ALK: variants seen among roughly 807,000 people sequenced by gnomAD.
ALK encodes ALK tyrosine kinase receptor.
In ALK, 74 loss-of-function variants were observed where a neutral mutation model predicts 163.1. The observed-to-expected ratio is 0.45, with a 90% CI of 0.38 to 0.55. ALK has a LOEUF of 0.55. ALK is among the 20% of genes least tolerant of loss of function. The probability of loss-of-function intolerance (pLI) is 0.00; values close to 1 mark genes in which losing one functional copy is unlikely to be tolerated. For missense variants in ALK, 2,063 were observed against 2,105.3 expected (o/e 0.98, Z 0.39); for synonymous variants, 960 against 843.2 (o/e 1.14, Z -2.40).
chr2:29,377,050 C>T (rs1029561631), intron 5 of ALK, among the ~76,000 whole-genome samples: 10 of 152,186 alleles, frequency 6.6e-5, no homozygotes, highest in Admixed American at 5.9e-4. Flanking sequence ...GTGAAAATGG[C>T]CCATATTCAA....
chr2:29,698,269 C>G (rs1358851271), intron 2 of ALK, among the ~76,000 whole-genome samples: 1 of 152,180 alleles, frequency 6.6e-6, no homozygotes, highest in Non-Finnish European at 1.5e-5. Flanking sequence ...AAAGAGAAAA[C>G]TGGTCCAACA....
At chr2:29,354,095 T>G (rs148235270) in intron 5 of ALK, among the ~76,000 whole-genome samples, 82 of 152,212 alleles carry the variant, frequency 5.4e-4, no homozygotes, top group African/African-American at 1.9e-3. Context: ...CAGTGTAGTC[T>G]CATGTGCTGG....
At chr2:29,268,526 G>A (rs1665297998) in intron 11 of ALK, among the ~76,000 whole-genome samples, 1 of 152,158 alleles carries the variant, frequency 6.6e-6, no homozygotes, top group Admixed American at 6.5e-5. Context: ...CCCCTGCATA[G>A]GGTTTGGCAC....
intron 3 of ALK, among the ~76,000 whole-genome samples, chr2:29,535,524 C>T (rs1673229040): frequency 6.6e-6 from 1 of 152,190 alleles, no homozygotes; most frequent in African/African-American, 2.4e-5. Context: ...GAGCCTACCT[C>T]ATATGGCTGT....
intron 4 of ALK, among the ~76,000 whole-genome samples, chr2:29,500,018 A>T (rs1003872620): frequency 6.6e-6 from 1 of 151,776 alleles, no homozygotes; most frequent in Non-Finnish European, 1.5e-5. Flanking sequence ...CTGTTCCTTA[A>T]GGTTGGATGG....
chr2:29,407,810 C>T (rs1669622376), intron 4 of ALK, among the ~76,000 whole-genome samples: 1 of 152,210 alleles, frequency 6.6e-6, no homozygotes, highest in Non-Finnish European at 1.5e-5. Flanking sequence ...ACCGATGTGT[C>T]ATGTCATGAT....
At chr2:29,219,405 C>A (rs970891254) in intron 23 of ALK, among the ~76,000 whole-genome samples, 6 of 152,196 alleles carry the variant, frequency 3.9e-5, no homozygotes, top group African/African-American at 1.4e-4. Context: ...CCTTGCAGGG[C>A]TTCCATCACC....
chr2:29,276,453 C>T (rs1665549618), intron 9 of ALK, among the ~76,000 whole-genome samples: 1 of 152,162 alleles, frequency 6.6e-6, no homozygotes, highest in Admixed American at 6.5e-5. Context: ...CTGGCCCTTT[C>T]CTGCTCTAAG....
chr2:29,298,458 T>G (rs1193635261), intron 8 of ALK, among the ~76,000 whole-genome samples: 1 of 152,248 alleles, frequency 6.6e-6, no homozygotes, highest in African/African-American at 2.4e-5. Flanking sequence ...GGGATCACGA[T>G]GCTTTCTCCT....
intron 1 of ALK, among the ~76,000 whole-genome samples, chr2:29,916,679 T>C (rs560887519): frequency 6.6e-6 from 1 of 152,298 alleles, no homozygotes; most frequent in Non-Finnish European, 1.5e-5. Flanking sequence ...AAGTCATGTA[T>C]CCACTTTCCT....
intron 1 of ALK, among the ~76,000 whole-genome samples, chr2:29,831,472 C>T (rs148945814): frequency 1.2e-4 from 19 of 152,132 alleles, no homozygotes; most frequent in East Asian, 7.8e-4. Context: ...CTCCTCTATA[C>T]GCTAAATTCT....
chr2:29,287,000 C>T (rs1222840812), intron 9 of ALK, among the ~76,000 whole-genome samples: 2 of 151,798 alleles, frequency 1.3e-5, no homozygotes, highest in Non-Finnish European at 2.9e-5. Context: ...TCCCCAGCAC[C>T]CTTTGCAGTA....
chr2:29,573,180 C>T (rs1674428020), intron 3 of ALK, among the ~76,000 whole-genome samples: 1 of 152,214 alleles, frequency 6.6e-6, no homozygotes, highest in South Asian at 2.1e-4. Flanking sequence ...TGGGCTGGAT[C>T]TGACTTCTAG....
Position 29,227,320 on chromosome 2 carries a change from A to G in ALK, c.2915-246T>C, listed in dbSNP as rs1248766836. 3.9e-5 allele frequency among the ~76,000 whole-genome samples: 6 copies of G among 152,212 alleles called. No individual in the cohort carries two copies. The highest frequency in any genetic ancestry group is 1.2e-4 in the African/African-American group (5 of 41,454). ...CAGTGGTGGAGAGAAGCCCACGCAC[A>G]TGATCTTTAGGTTGGCTGGTGCAGG... is the stretch of plus-strand genomic sequence containing the variant. On this transcript the variant is annotated intron_variant, in intron 17 of 28. Transcript: ENST00000389048. This position sits in a 1 kb window ranked among gnomAD's most constrained non-coding sequence, Gnocchi z 4.4.
intron 5 of ALK, among the ~76,000 whole-genome samples, chr2:29,345,480 G>T (rs1187699142): frequency 6.6e-6 from 1 of 151,692 alleles, no homozygotes; most frequent in Non-Finnish European, 1.5e-5. Flanking sequence ...GTCCTAGCAA[G>T]GATGTAGTGA....
intron 1 of ALK, among the ~76,000 whole-genome samples, chr2:29,919,027 G>C (rs778206900): frequency 2.0e-5 from 3 of 152,130 alleles, no homozygotes; most frequent in African/African-American, 7.2e-5. Flanking sequence ...GGATACTCTG[G>C]AAAGAGTTAG....
chr2:29,631,603 G>A (rs1468030506), intron 3 of ALK, among the ~76,000 whole-genome samples: 4 of 152,194 alleles, frequency 2.6e-5, no homozygotes, highest in Admixed American at 2.6e-4. Flanking sequence ...TGATTTCATT[G>A]CTTGAAATCT....
chr2:29,868,141 G>T (rs1390622750), intron 1 of ALK, among the ~76,000 whole-genome samples: 1 of 152,218 alleles, frequency 6.6e-6, no homozygotes, highest in Non-Finnish European at 1.5e-5. Flanking sequence ...GAGCTGGAAG[G>T]CAAGGAGGTA....
chr2:29,261,080 C>T (rs992122079), intron 11 of ALK, among the ~76,000 whole-genome samples: 2 of 152,148 alleles, frequency 1.3e-5, no homozygotes, highest in African/African-American at 4.8e-5. Flanking sequence ...CTCCTGGTCC[C>T]CTGCACTGGG....
Sources: allele counts gnomAD v4.1 joint callset (sites outside exome capture counted in the v4.1 genomes callset), GRCh38; gene constraint gnomAD v4.1.1; non-coding constraint Gnocchi (gnomAD v3.1); transcripts MANE v1.5; gene names NCBI Gene and HGNC (gene_info 2026-07-23, HGNC 2026-07-21).